Variants in CYP39A1 observed in about 807,000 individuals in gnomAD.
CYP39A1 encodes the protein 24-hydroxycholesterol 7-alpha-hydroxylase.
A neutral mutation model predicts 58.1 loss-of-function variants in CYP39A1; 49 were observed. That is an observed-to-expected ratio of 0.84 (90% CI 0.67 to 1.07). The LOEUF (loss-of-function observed/expected upper bound fraction) is 1.07, where lower values mean the gene tolerates loss of function less well. Among genes scored for constraint, CYP39A1 ranks in the 50% least tolerant of loss-of-function variants. CYP39A1 has a pLI of 0.00. For synonymous variants in CYP39A1, 209 were observed against 187.6 expected (o/e 1.11, Z -0.93); for missense variants, 531 against 539.4 (o/e 0.98, Z 0.16).
intron 10 of CYP39A1, among the ~76,000 whole-genome samples, chr6:46,558,820 A>ACC (rs1420288403): frequency 1.3e-5 from 2 of 151,956 alleles, no homozygotes; most frequent in Admixed American, 6.6e-5. Context: ...ACATGGTGAA[A>ACC]CCCCGTCTCT....
chr6:46,652,561 C>T lies in CYP39A1; in HGVS notation c.22G>A (p.Val8Met). Residue 8 changes from valine to methionine, a missense_variant, in exon 1 of 12, where the codon GTG (valine) becomes ATG (methionine). By Grantham distance (21) the Val-to-Met change is conservative (BLOSUM62 1). Transcript: ENST00000275016. ...GCAAGGCAACCCAGGATTATAATCA[C>T]TGTTGGGGAAATTAGTTCCATGTTT... MELISPT[V>M]IIILGCLALF... 6.2e-7 allele frequency: 1 copy of T among 1,606,242 alleles called. No homozygotes were observed. Among genetic ancestry groups the T allele is most frequent in the Non-Finnish European group, 8.5e-7 (1 of 1,176,958 alleles).
intron 8 of CYP39A1, among the ~76,000 whole-genome samples, chr6:46,594,190 C>CAT (rs1773007774): frequency 6.6e-6 from 1 of 151,974 alleles, no homozygotes; most frequent in South Asian, 2.1e-4. Flanking sequence ...AAGTACTTGC[C>CAT]ATAAGATAAA....
At chr6:46,592,254 C>A (rs972384553) in intron 8 of CYP39A1, among the ~76,000 whole-genome samples, 2 of 152,092 alleles carry the variant, frequency 1.3e-5, no homozygotes, top group African/African-American at 4.8e-5. Flanking sequence ...TGGGAGAATA[C>A]TTCTAGTATG....
intron 10 of CYP39A1, among the ~76,000 whole-genome samples, chr6:46,560,395 G>C (rs1770912339): frequency 1.3e-5 from 2 of 152,178 alleles, no homozygotes; most frequent in Admixed American, 1.3e-4. Context: ...ATATTCTGTA[G>C]GATGGACTGA....
chr6:46,642,336 T>G, intron 1 of CYP39A1, 38 bp from the exon 2 acceptor site: 1 of 1,582,468 alleles, frequency 6.3e-7, no homozygotes, highest in African/African-American at 1.4e-5. Flanking sequence ...TAGTAAGCAT[T>G]CCTAAGCCAT....
At chr6:46,639,986 C>T (rs1776231491) in intron 2 of CYP39A1, among the ~76,000 whole-genome samples, 1 of 152,102 alleles carries the variant, frequency 6.6e-6, no homozygotes, top group Non-Finnish European at 1.5e-5. Flanking sequence ...GTGGCGGGCA[C>T]CTGTAATCCC....
At chr6:46,642,338 C>T (rs1360729038) in intron 1 of CYP39A1, 40 bp from the exon 2 acceptor site, 7 of 1,580,784 alleles carry the variant, frequency 4.4e-6, no homozygotes, top group Non-Finnish European at 6.0e-6. Flanking sequence ...GTAAGCATTC[C>T]TAAGCCATGT....
intron 6 of CYP39A1, among the ~76,000 whole-genome samples, chr6:46,626,731 T>C (rs1775330044): frequency 6.6e-6 from 1 of 152,204 alleles, no homozygotes; most frequent in African/African-American, 2.4e-5. Flanking sequence ...TTACAGATGA[T>C]GAAACAGATG....
intron 1 of CYP39A1, 69 bp downstream of exon 1, chr6:46,652,337 T>G (rs1357005337): frequency 1.4e-6 from 2 of 1,451,226 alleles, no homozygotes; most frequent in Admixed American, 2.1e-5. Context: ...CACTTAAGAG[T>G]CAATGAAAGA....
chr6:46,617,921 G>A lies in CYP39A1; in HGVS notation c.931+7497C>T, dbSNP rs188504807. On this transcript the variant is annotated intron_variant, in intron 7 of 11. Coordinates refer to ENST00000275016, the MANE Select transcript of CYP39A1 (RefSeq NM_016593.5). ...ATAAATAGTCTCATGCTATATTTCT[G>A]CTGCATTTTGACACCACCAAAAGTA... 1.3e-3 allele frequency among the ~76,000 whole-genome samples: 204 copies of A among 152,130 alleles called. 1 individual carries two copies. The highest frequency in any genetic ancestry group is 4.7e-3 in the African/African-American group (195 of 41,504).
intron 7 of CYP39A1, among the ~76,000 whole-genome samples, chr6:46,604,915 A>G (rs889498986): frequency 1.3e-5 from 2 of 152,156 alleles, no homozygotes; most frequent in African/African-American, 4.8e-5. Flanking sequence ...CAGGTATCCA[A>G]TCTTTTGGCT....
chr6:46,555,277 T>C (rs1197793944), intron 10 of CYP39A1, among the ~76,000 whole-genome samples: 2 of 152,186 alleles, frequency 1.3e-5, no homozygotes, highest in African/African-American at 4.8e-5. Flanking sequence ...CTGGAAGCAT[T>C]TCCTGATAAC....
At chr6:46,584,662 A>T (rs1772353413) in intron 10 of CYP39A1, among the ~76,000 whole-genome samples, 1 of 152,156 alleles carries the variant, frequency 6.6e-6, no homozygotes, top group Non-Finnish European at 1.5e-5. Flanking sequence ...CAATTGGGCC[A>T]GTGTACATTT....
chr6:46,566,848 A>G (rs1771316050), intron 10 of CYP39A1, among the ~76,000 whole-genome samples: 1 of 151,936 alleles, frequency 6.6e-6, no homozygotes, highest in African/African-American at 2.4e-5. Context: ...ATATATATAT[A>G]TACACACACA....
At chr6:46,647,959 G>A (rs1762433585) in intron 1 of CYP39A1, among the ~76,000 whole-genome samples, 1 of 152,148 alleles carries the variant, frequency 6.6e-6, no homozygotes, top group Non-Finnish European at 1.5e-5. Flanking sequence ...AAACCACAAT[G>A]AGATACCATC....
chr6:46,597,162 A>G (rs1430258574), intron 7 of CYP39A1, among the ~76,000 whole-genome samples: 1 of 152,072 alleles, frequency 6.6e-6, no homozygotes, highest in Non-Finnish European at 1.5e-5. Context: ...GTCAGAAGCA[A>G]ACACCTTTGG....
At chr6:46,558,866 C>T (rs188674604) in intron 10 of CYP39A1, among the ~76,000 whole-genome samples, 24 of 151,846 alleles carry the variant, frequency 1.6e-4, no homozygotes, top group African/African-American at 5.3e-4. Context: ...CGTGGTGGCA[C>T]GCACCTGTAA....
chr6:46,640,133 T>A (rs187344548), intron 2 of CYP39A1, among the ~76,000 whole-genome samples: 62 of 152,218 alleles, frequency 4.1e-4, no homozygotes, highest in African/African-American at 1.3e-3. Context: ...TAAAAAAGAT[T>A]CAACGTATTC....
At chr6:46,572,733 T>C (rs1031505400) in intron 10 of CYP39A1, among the ~76,000 whole-genome samples, 7 of 152,102 alleles carry the variant, frequency 4.6e-5, no homozygotes, top group African/African-American at 1.7e-4. Context: ...ATTTGAGCCA[T>C]AATTTATTTA....
Sources: allele counts gnomAD v4.1 joint callset (sites outside exome capture counted in the v4.1 genomes callset), GRCh38; gene constraint gnomAD v4.1.1; transcripts MANE v1.5; gene names NCBI Gene and HGNC (gene_info 2026-07-23, HGNC 2026-07-21).